Variants in IL17RD observed in about 807,000 individuals in gnomAD.
IL17RD encodes the protein interleukin 17 receptor D, also known as interleukin-17 receptor D.
Under a neutral mutation model 80.5 loss-of-function variants are expected in IL17RD, and 52 were observed. The observed-to-expected ratio is 0.65, with a 90% confidence interval of 0.52 to 0.81. IL17RD has a LOEUF of 0.81. Ranked by LOEUF, IL17RD falls within the 40% of genes least tolerant of loss-of-function variation. The probability of loss-of-function intolerance (pLI) is 0.00; values close to 1 mark genes in which losing one functional copy is unlikely to be tolerated. For synonymous variants in IL17RD, 416 were observed against 391.8 expected (o/e 1.06, Z -0.73); for missense variants, 1,024 against 955.1 (o/e 1.07, Z -0.95).
At position 57,105,552 on chromosome 3, in the gene IL17RD, A is replaced by AAAAAAAAAAAATATAT; in HGVS notation, c.747+304_747+305insATATATTTTTTTTTTT. ...ACTCCATCTCAAAAAAAAAAAAAAA[A>AAAAAAAAAAAATATAT]ATATATATATATATATATTTGTTCA... On this transcript the variant is annotated intron_variant, in intron 7 of 12. Transcript: ENST00000296318. Among the ~76,000 whole-genome samples the AAAAAAAAAAAATATAT allele has an allele frequency of 2.2e-3, 140 of 63,556 alleles. 2 individuals carry two copies. Among genetic ancestry groups the AAAAAAAAAAAATATAT allele is most frequent in the African/African-American group, 3.7e-3 (40 of 10,728 alleles). The allele number at this position is 63,556 out of a possible 152,430, so 41.7% of individuals were successfully genotyped here.
intron 1 of IL17RD, chr3:57,134,479 T>G (rs1293662287): frequency 2.2e-6 from 2 of 928,242 alleles, no homozygotes; most frequent in South Asian, 1.3e-5. Context: ...TCTAAGAAGA[T>G]TGATCACCAC....
chr3:57,104,400 G>A lies in IL17RD; in HGVS notation c.755C>T (p.Thr252Ile), dbSNP rs779625714. The change falls in exon 8 of 13, where the codon ACT becomes ATT. Residue 252 changes from threonine to isoleucine, a missense_variant. Coordinates refer to ENST00000296318, the MANE Select transcript of IL17RD (RefSeq NM_017563.5). ...FKRKTCKQEQ[T>I]TETTSCLLQN... ...AAGGAGGCAGCTGGTCGTCTCTGTA[G>A]TTTGCTCCTGCAACAGACCAAAGAA... is the stretch of plus-strand genomic sequence containing the variant. 10 of 1,605,812 alleles carry A rather than the reference G, an allele frequency of 6.2e-6. No homozygotes were observed. The highest frequency in any genetic ancestry group is 3.4e-5 in the Admixed American group (2 of 59,688).
In IL17RD at chr3:57,093,107, TCC is replaced by T. The variant is rs1706595900; in HGVS notation, c.*3284_*3285del. 6.6e-6 allele frequency: 1 copy of T among 152,106 alleles called. No individual in the cohort carries two copies. Among genetic ancestry groups the T allele is most frequent in the African/African-American group, 2.4e-5 (1 of 41,402 alleles). 9.4% of individuals were successfully genotyped at this position (152,106 alleles called of 1,614,324 possible). On this transcript the variant is annotated 3_prime_UTR_variant, in exon 13 of 13. Coordinates refer to ENST00000296318, the MANE Select transcript of IL17RD (RefSeq NM_017563.5). Reference sequence around the variant, plus strand: ...ACAGGGGCGCTTCAGTTTGCCACAGTCCCCACCATTCCCTATTGCTGACACAG... The same window carrying T: ...ACAGGGGCGCTTCAGTTTGCCACAGTCCACCATTCCCTATTGCTGACACAG...
rs1706548866 is a variant in IL17RD at position 57,091,335 on chromosome 3, T to A, written c.*5058A>T. 1 of 152,600 alleles carries A rather than the reference T, an allele frequency of 6.6e-6. No individual in the cohort carries two copies. Among genetic ancestry groups the A allele is most frequent in the African/African-American group, 2.4e-5 (1 of 41,426 alleles). 9.5% of individuals were successfully genotyped at this position (152,600 alleles called of 1,614,324 possible). ...CACAAGTTATGATAGATGACTATCA[T>A]CAGGGGAAAAATGTGGCAGTCAAAT... is the stretch of plus-strand genomic sequence containing the variant. On this transcript the variant is annotated 3_prime_UTR_variant, in exon 13 of 13. Coordinates refer to ENST00000296318, the MANE Select transcript of IL17RD (RefSeq NM_017563.5).
intron 3 of IL17RD, among the ~76,000 whole-genome samples, chr3:57,113,683 C>G (rs1707147700): frequency 1.3e-5 from 2 of 152,108 alleles, no homozygotes; most frequent in Admixed American, 1.3e-4. Flanking sequence ...AGACTACAGA[C>G]TTGTGCCACC....
chr3:57,138,992 T>A lies in IL17RD; in HGVS notation c.127-18679A>T, dbSNP rs868361286. ...ACACTGGGGAAAGAGGGTCTTTTTT[T>A]AAAAAGTAGGCTGCAGAAAAACAGT... On this transcript the variant is annotated intron_variant, in intron 1 of 12. Coordinates refer to ENST00000296318, the MANE Select transcript of IL17RD (RefSeq NM_017563.5). 8.9e-4 allele frequency among the ~76,000 whole-genome samples: 135 copies of A among 151,068 alleles called. 2 individuals are homozygous for A. Among genetic ancestry groups the A allele is most frequent in the Admixed American group, 4.2e-3 (64 of 15,146 alleles).
At chr3:57,124,571 T>A (rs987725007) in intron 1 of IL17RD, among the ~76,000 whole-genome samples, 2 of 152,004 alleles carry the variant, frequency 1.3e-5, no homozygotes, top group African/African-American at 4.8e-5. Flanking sequence ...CTCTGGAGAC[T>A]GAAAAAGGCA....
At chr3:57,156,749 T>C (rs142193971) in intron 1 of IL17RD, among the ~76,000 whole-genome samples, 1 of 152,226 alleles carries the variant, frequency 6.6e-6, no homozygotes, top group East Asian at 1.9e-4. Context: ...TGCCCTGTTA[T>C]CTAGTACCTA....
At chr3:57,113,967 C>T (rs1559471848) in intron 3 of IL17RD, among the ~76,000 whole-genome samples, 2 of 151,630 alleles carry the variant, frequency 1.3e-5, no homozygotes, top group South Asian at 4.2e-4. Flanking sequence ...GGGCGGATCA[C>T]GAGGTCAGGA....
At chr3:57,130,960 T>C (rs1482896491) in intron 1 of IL17RD, among the ~76,000 whole-genome samples, 2 of 152,150 alleles carry the variant, frequency 1.3e-5, no homozygotes, top group African/African-American at 4.8e-5. Context: ...ACACAGCAAT[T>C]AGACCCTTCC....
At chr3:57,127,304 A>G (rs1579291016) in intron 1 of IL17RD, among the ~76,000 whole-genome samples, 1 of 86,032 alleles carries the variant, frequency 1.2e-5, no homozygotes, top group African/African-American at 6.2e-5. Flanking sequence ...AAATATATAT[A>G]AAAATATATA....
intron 5 of IL17RD, among the ~76,000 whole-genome samples, chr3:57,108,880 G>C (rs1292310520): frequency 6.6e-6 from 1 of 151,868 alleles, no homozygotes; most frequent in Non-Finnish European, 1.5e-5. Flanking sequence ...AAACTCGTGG[G>C]CTCAAGTGAT....
At position 57,091,649 on chromosome 3, in the gene IL17RD, G is replaced by A. The variant is rs1177449401; in HGVS notation, c.*4744C>T. On this transcript the variant is annotated 3_prime_UTR_variant, in exon 13 of 13. Coordinates refer to ENST00000296318, the MANE Select transcript of IL17RD (RefSeq NM_017563.5). The stretch of plus-strand genomic sequence containing the variant: ...ATCACTGAAATAAAAACACCAGGGG[G>A]ATGACTTCACTGTGGTTTTTGAATA... 1 of 152,630 alleles carries A rather than the reference G, an allele frequency of 6.6e-6. No homozygotes were observed. The highest frequency in any genetic ancestry group is 2.4e-5 in the African/African-American group (1 of 41,450). 9.5% of individuals were successfully genotyped at this position (152,630 alleles called of 1,614,324 possible). A position where few individuals can be genotyped will look rare whatever the true frequency, so the allele number is the denominator to read the frequency against.
intron 2 of IL17RD, among the ~76,000 whole-genome samples, chr3:57,117,037 C>T (rs1159601266): frequency 4.0e-5 from 6 of 151,294 alleles, no homozygotes; most frequent in African/African-American, 1.5e-4. Flanking sequence ...TCATTGTTTT[C>T]TTTGTTCATT....
intron 3 of IL17RD, among the ~76,000 whole-genome samples, chr3:57,114,304 GTC>G (rs890952157): frequency 6.6e-6 from 1 of 152,168 alleles, no homozygotes; most frequent in Admixed American, 6.5e-5. Flanking sequence ...GGGCTGGCAT[GTC>G]TCTGTGTCCG....
chr3:57,134,662 G>A (rs149527149), intron 1 of IL17RD: 49 of 736,338 alleles, frequency 6.7e-5, no homozygotes, highest in African/African-American at 3.1e-4. Flanking sequence ...CATGAAGACC[G>A]CCTACAGGCC....
At chr3:57,117,201 C>T (rs1707236535) in intron 2 of IL17RD, among the ~76,000 whole-genome samples, 1 of 151,646 alleles carries the variant, frequency 6.6e-6, no homozygotes, top group Admixed American at 6.6e-5. Context: ...GCAACCTCCG[C>T]CTCCTGGGTT....
chr3:57,153,936 T>C (rs1479012397), intron 1 of IL17RD, among the ~76,000 whole-genome samples: 1 of 152,102 alleles, frequency 6.6e-6, no homozygotes, highest in African/African-American at 2.4e-5. Context: ...TTCATCTTCC[T>C]GTATCGTTTC....
intron 1 of IL17RD, among the ~76,000 whole-genome samples, chr3:57,123,751 A>G (rs1188465707): frequency 2.6e-5 from 4 of 152,192 alleles, no homozygotes; most frequent in African/African-American, 4.8e-5. Flanking sequence ...CATGCATTTT[A>G]AAGACCTTTT....
Sources: gnomAD v4.1 joint callset for allele counts (sites outside exome capture counted in the v4.1 genomes callset) on GRCh38, gnomAD v4.1.1 for gene constraint, MANE v1.5 for transcripts, NCBI Gene and HGNC (gene_info 2026-07-23, HGNC 2026-07-21) for gene names.